Variants in SLC4A4 observed in about 807,000 individuals in gnomAD.
SLC4A4 encodes electrogenic sodium bicarbonate cotransporter 1.
SLC4A4 carries 27 observed loss-of-function variants against 111.5 expected under a neutral mutation model. That is an observed-to-expected ratio of 0.24 (90% CI 0.18 to 0.33). SLC4A4 has a LOEUF of 0.33. Among genes scored for constraint, SLC4A4 ranks in the 10% least tolerant of loss-of-function variants. The probability of loss-of-function intolerance (pLI) is 1.00; values close to 1 mark genes in which losing one functional copy is unlikely to be tolerated. For missense variants in SLC4A4, 909 were observed against 1,315.5 expected (o/e 0.69, Z 4.78); for synonymous variants, 443 against 463.4 (o/e 0.96, Z 0.57).
At chr4:71,301,251 T>C in intron 3 of SLC4A4, 1 of 242,224 alleles carries the variant, frequency 4.1e-6, no homozygotes, top group Non-Finnish European at 8.1e-6. Flanking sequence ...GCAACATATT[T>C]ACGGGAAATC....
intron 6 of SLC4A4, among the ~76,000 whole-genome samples, chr4:71,376,093 A>G (rs1732328661): frequency 1.3e-5 from 2 of 149,056 alleles, no homozygotes; most frequent in Non-Finnish European, 1.5e-5. Context: ...ATACATATAT[A>G]CGTGTGTATA....
At chr4:71,291,711 T>C (rs1022758380) in intron 3 of SLC4A4, among the ~76,000 whole-genome samples, 2 of 152,204 alleles carry the variant, frequency 1.3e-5, no homozygotes, top group Non-Finnish European at 2.9e-5. Context: ...ACTCCTAGAA[T>C]TGATGCCTTA....
At chr4:71,460,130 G>T (rs1251651564) in intron 12 of SLC4A4, among the ~76,000 whole-genome samples, 1 of 151,692 alleles carries the variant, frequency 6.6e-6, no homozygotes, top group Non-Finnish European at 1.5e-5. Context: ...CCTTATTTAT[G>T]ATTTCTTTTG....
chr4:71,303,456 T>C (rs963641043), intron 3 of SLC4A4, among the ~76,000 whole-genome samples: 1 of 152,238 alleles, frequency 6.6e-6, no homozygotes, highest in Non-Finnish European at 1.5e-5. Context: ...TATCTTCTGT[T>C]GTCTTGCTAA....
At chr4:71,261,522 T>C (rs570469656) in intron 3 of SLC4A4, among the ~76,000 whole-genome samples, 1 of 152,200 alleles carries the variant, frequency 6.6e-6, no homozygotes, top group Non-Finnish European at 1.5e-5. Flanking sequence ...GGCAATGGGT[T>C]GGCTCAACAA....
At chr4:71,566,196 A>C (rs1182418768) in intron 24 of SLC4A4, among the ~76,000 whole-genome samples, 1 of 151,820 alleles carries the variant, frequency 6.6e-6, no homozygotes, top group African/African-American at 2.4e-5. Flanking sequence ...AATTTCTGCT[A>C]ACCCCTATTA....
chr4:71,457,289 A>G (rs370577492), intron 12 of SLC4A4, among the ~76,000 whole-genome samples: 53 of 152,192 alleles, frequency 3.5e-4, no homozygotes, highest in African/African-American at 1.3e-3. Context: ...CAGTGACTCT[A>G]AGTACAATCA....
At chr4:71,228,408 G>A (rs1251053358) in intron 1 of SLC4A4, among the ~76,000 whole-genome samples, 1 of 152,204 alleles carries the variant, frequency 6.6e-6, no homozygotes, top group Non-Finnish European at 1.5e-5. Context: ...GTCTGTAGGA[G>A]TATTAATACT....
intron 2 of SLC4A4, among the ~76,000 whole-genome samples, chr4:71,250,143 T>TAAATA (rs1553967961): frequency 2.0e-5 from 3 of 150,986 alleles, no homozygotes; most frequent in African/African-American, 4.9e-5. Flanking sequence ...CTTTTCTTAA[T>TAAATA]AAAAAAAAAT....
chr4:71,422,982 G>T (rs1484497511), intron 7 of SLC4A4, among the ~76,000 whole-genome samples: 2 of 152,142 alleles, frequency 1.3e-5, no homozygotes, highest in African/African-American at 4.8e-5. Flanking sequence ...TGGAAGTTCT[G>T]GCCAGGGCAA....
At chr4:71,245,544 G>A (rs574067114) in intron 2 of SLC4A4, among the ~76,000 whole-genome samples, 30 of 152,234 alleles carry the variant, frequency 2.0e-4, no homozygotes, top group Non-Finnish European at 3.7e-4. Context: ...AGGGGATCAT[G>A]TACCATTTTG....
At chr4:71,314,108 A>G (rs1471402289) in intron 3 of SLC4A4, among the ~76,000 whole-genome samples, 2 of 152,164 alleles carry the variant, frequency 1.3e-5, no homozygotes, top group Non-Finnish European at 2.9e-5. Flanking sequence ...AAAAGTGGGC[A>G]AAGGATATGA....
In SLC4A4 at chr4:71,094,395, G is replaced by T. The variant is rs1302490873; in HGVS notation, c.-2+1603G>T. 2.0e-5 allele frequency among the ~76,000 whole-genome samples: 3 copies of T among 151,976 alleles called. No homozygotes were observed. The East Asian group carries it at 5.8e-4, about 29-fold the overall frequency. On this transcript the variant is annotated intron_variant, in intron 2 of 26. Coordinates refer to the SLC4A4 transcript ENST00000649996. ...GTACAGATCCTTTTCCAAATACTAAGCACTGTGTGTCTATTTTTGGCATTA... is the reference window on the plus strand; with the variant it reads ...GTACAGATCCTTTTCCAAATACTAATCACTGTGTGTCTATTTTTGGCATTA...
At chr4:71,298,869 A>G (rs972593585) in intron 3 of SLC4A4, among the ~76,000 whole-genome samples, 3 of 152,164 alleles carry the variant, frequency 2.0e-5, no homozygotes, top group South Asian at 2.1e-4. Context: ...GATTGGCTCT[A>G]TCTTCAGTTT....
At chr4:71,098,681 A>G (rs1276120139) in intron 2 of SLC4A4, among the ~76,000 whole-genome samples, 2 of 152,180 alleles carry the variant, frequency 1.3e-5, no homozygotes, top group Non-Finnish European at 2.9e-5. Context: ...AAGCTAGATA[A>G]AAAGCAAGAC....
At chr4:71,152,166 C>G (rs2148972512) in intron 2 of SLC4A4, among the ~76,000 whole-genome samples, 1 of 152,244 alleles carries the variant, frequency 6.6e-6, no homozygotes, top group African/African-American at 2.4e-5. Flanking sequence ...GAAGACTACT[C>G]CTACATTACA....
chr4:71,195,292 C>T (rs1270842931), intron 1 of SLC4A4, among the ~76,000 whole-genome samples: 1 of 131,618 alleles, frequency 7.6e-6, no homozygotes, highest in Non-Finnish European at 1.6e-5. Flanking sequence ...TTGCTGCCAT[C>T]ATTTAAGTAT....
chr4:71,318,999 G>T (rs1477960081), intron 3 of SLC4A4, among the ~76,000 whole-genome samples: 1 of 151,856 alleles, frequency 6.6e-6, no homozygotes, highest in Non-Finnish European at 1.5e-5. Context: ...TGTTTTGGGT[G>T]CAGCTCAGAG....
intron 22 of SLC4A4, among the ~76,000 whole-genome samples, chr4:71,559,818 C>G (rs1314670999): frequency 1.3e-5 from 2 of 151,838 alleles, no homozygotes; most frequent in East Asian, 3.9e-4. Flanking sequence ...GAAAAACAAT[C>G]TTTTCACATT....
Sources: allele counts gnomAD v4.1 joint callset (sites outside exome capture counted in the v4.1 genomes callset), GRCh38; gene constraint gnomAD v4.1.1; transcripts MANE v1.5; gene names NCBI Gene and HGNC (gene_info 2026-07-23, HGNC 2026-07-21).